TFCP2: variants seen among roughly 807,000 people sequenced by gnomAD.
TFCP2 encodes the protein transcription factor CP2.
Under a neutral mutation model 73.4 loss-of-function variants are expected in TFCP2, and 33 were observed. That is an observed-to-expected ratio of 0.45 (90% CI 0.34 to 0.60). The LOEUF (loss-of-function observed/expected upper bound fraction) is 0.60. Ranked by LOEUF, TFCP2 falls within the 20% of genes least tolerant of loss-of-function variation. The probability of loss-of-function intolerance (pLI) is 0.01; values close to 1 mark genes in which losing one functional copy is unlikely to be tolerated. For missense variants in TFCP2, 352 were observed against 604.0 expected, an observed-to-expected ratio of 0.58 and a Z score of 4.37; for synonymous variants, 193 against 211.6, an observed-to-expected ratio of 0.91 and a Z score of 0.76.
chr12:51,154,432 G>A (rs1261669960), intron 1 of TFCP2, among the ~76,000 whole-genome samples: 7 of 152,180 alleles, frequency 4.6e-5, no homozygotes, highest in Admixed American at 1.3e-4. Flanking sequence ...AGTGGCTCAC[G>A]CCGGTAATCC....
chr12:51,101,877 T>C (rs1244780447), intron 11 of TFCP2, 58 bp downstream of exon 11: 1 of 1,133,272 alleles, frequency 8.8e-7, no homozygotes, highest in Non-Finnish European at 1.3e-6. Flanking sequence ...GAAGAATTCC[T>C]GAATCCAAAT....
At chr12:51,095,871 C>A (rs1018872822) in intron 14 of TFCP2, 118 bp downstream of exon 14, 19 of 493,464 alleles carry the variant, frequency 3.9e-5, no homozygotes, top group East Asian at 7.6e-5. Flanking sequence ...CTAATATTGT[C>A]ACTTTCTTTA....
At chr12:51,168,900 C>T (rs775270797) in intron 1 of TFCP2, among the ~76,000 whole-genome samples, 6 of 151,984 alleles carry the variant, frequency 3.9e-5, no homozygotes, top group Non-Finnish European at 7.4e-5. Flanking sequence ...CTCCCGGGTT[C>T]ATGCAAGTCT....
chr12:51,141,902 T>C (rs1399147888), intron 1 of TFCP2, among the ~76,000 whole-genome samples: 5 of 107,958 alleles, frequency 4.6e-5, no homozygotes, highest in African/African-American at 1.7e-4. Context: ...TGAGACTCTG[T>C]CTCAAAAAAA....
In TFCP2 at chr12:51,097,123, C is replaced by T. The variant is rs145367687; in HGVS notation, c.1420-1083G>A. Among the ~76,000 whole-genome samples the T allele has an allele frequency of 6.6e-5, 10 of 151,996 alleles. 1 individual carries two copies. Among genetic ancestry groups the T allele is most frequent in the Middle Eastern group, 6.3e-3 (2 of 316 alleles). On this transcript the variant is annotated intron_variant, in intron 13 of 14. Coordinates refer to ENST00000257915, the MANE Select transcript of TFCP2 (RefSeq NM_005653.5). ...GATTATAGGCACGTGCCACCACACCCGGCTAATTTTGTATTTTAGTAGAGA... is the reference window on the plus strand; with the variant it reads ...GATTATAGGCACGTGCCACCACACCTGGCTAATTTTGTATTTTAGTAGAGA...
chr12:51,124,685 C>T (rs776139795), intron 1 of TFCP2: 6 of 639,162 alleles, frequency 9.4e-6, no homozygotes, highest in South Asian at 4.3e-5. Context: ...GGCCGTCCCC[C>T]GCGGTGGCCA....
intron 1 of TFCP2, among the ~76,000 whole-genome samples, chr12:51,156,343 A>AG (rs66703823): frequency 0.16 from 24,223 of 149,936 alleles, 2,279 homozygotes; most frequent in South Asian, 0.26. Context: ...AGAGGAAGCA[A>AG]GGGGGGGGGA....
intron 1 of TFCP2, among the ~76,000 whole-genome samples, chr12:51,154,155 C>T (rs201748791): frequency 1.3e-5 from 2 of 152,288 alleles, no homozygotes; most frequent in East Asian, 3.9e-4. Flanking sequence ...CCTATGAACA[C>T]TAAGTACACA....
intron 1 of TFCP2, among the ~76,000 whole-genome samples, chr12:51,132,357 CTTTTTTTTTTTTTTTTTT>C (rs869123355): frequency 2.3e-4 from 14 of 61,792 alleles, no homozygotes; most frequent in East Asian, 6.6e-4. Context: ...AGGGATTAGT[CTTTTTTTTTTTTTTTTTT>C]TTTTTTTTTT....
At chr12:51,157,317 CG>C (rs1384881862) in intron 1 of TFCP2, among the ~76,000 whole-genome samples, 1 of 151,994 alleles carries the variant, frequency 6.6e-6, no homozygotes, top group Non-Finnish European at 1.5e-5. Context: ...ACACTGTGCC[CG>C]GCCCATGATC....
Position 51,098,864 on chromosome 12 carries a change from A to AT in TFCP2, c.1330dup (p.Ile444AsnfsTer29), listed in dbSNP as rs1414251455. The AT allele has an allele frequency of 3.7e-6, 6 of 1,613,960 alleles. No homozygotes were observed. The highest frequency in any genetic ancestry group is 1.1e-5 in the South Asian group (1 of 91,084). The stretch of plus-strand genomic sequence containing the variant: ...AGGGGAAATGCTGAAAAGCTGAGCA[A>AT]TTTTTTCTGTCAATTCAACAGCTGT... On this transcript the variant is annotated frameshift_variant, in exon 13 of 15. Transcript: ENST00000257915. LOFTEE classifies it high-confidence loss of function.
intron 1 of TFCP2, among the ~76,000 whole-genome samples, chr12:51,135,113 G>A (rs199772285): frequency 8.3e-5 from 12 of 144,650 alleles, no homozygotes; most frequent in Non-Finnish European, 9.1e-5. Flanking sequence ...GTCTCAAAAA[G>A]AAAAAAAAAA....
At chr12:51,123,417 C>A (rs1432058101) in intron 1 of TFCP2, among the ~76,000 whole-genome samples, 1 of 152,132 alleles carries the variant, frequency 6.6e-6, no homozygotes, top group Non-Finnish European at 1.5e-5. Flanking sequence ...AAAACAAAAA[C>A]AAGTGCATCC....
At chr12:51,127,889 A>G (rs1940847639) in intron 1 of TFCP2, among the ~76,000 whole-genome samples, 1 of 151,146 alleles carries the variant, frequency 6.6e-6, no homozygotes, top group African/African-American at 2.4e-5. Flanking sequence ...CAAATATCAC[A>G]TTAGCTTTGT....
chr12:51,160,205 C>T (rs986142297), intron 1 of TFCP2, among the ~76,000 whole-genome samples: 1 of 146,126 alleles, frequency 6.8e-6, no homozygotes, highest in Non-Finnish European at 1.5e-5. Context: ...GCACAATTTA[C>T]GCTCACTGCA....
At chr12:51,108,265 G>T (rs1940304800) in intron 6 of TFCP2, among the ~76,000 whole-genome samples, 1 of 150,866 alleles carries the variant, frequency 6.6e-6, no homozygotes, top group Non-Finnish European at 1.5e-5. Context: ...CAGCCTGGGT[G>T]ACAGAGTGAA....
chr12:51,120,653 G>A (rs1940643928), intron 1 of TFCP2, among the ~76,000 whole-genome samples: 1 of 152,164 alleles, frequency 6.6e-6, no homozygotes, highest in Non-Finnish European at 1.5e-5. Context: ...AGAGGGCTAG[G>A]TGTGGTGGCT....
intron 1 of TFCP2, among the ~76,000 whole-genome samples, chr12:51,132,382 T>C (rs1447828934): frequency 7.7e-6 from 1 of 129,938 alleles, no homozygotes; most frequent in Admixed American, 7.8e-5. Flanking sequence ...TTTTTTTTTT[T>C]TTTTTAGACA....
At position 51,164,770 on chromosome 12, in the gene TFCP2, T is replaced by G. The variant is rs560737059; in HGVS notation, c.122+7531A>C. ...ACTGTGAATGACTAAACCAGCATATTAGATAATTTAGATAAAAGAGACAAA... is the reference window on the plus strand; with the variant it reads ...ACTGTGAATGACTAAACCAGCATATGAGATAATTTAGATAAAAGAGACAAA... On this transcript the variant is annotated intron_variant, in intron 1 of 14. Coordinates refer to ENST00000257915, the MANE Select transcript of TFCP2 (RefSeq NM_005653.5). 2.0e-5 allele frequency among the ~76,000 whole-genome samples: 3 copies of G among 152,038 alleles called. No individual in the cohort carries two copies. In the East Asian group the frequency reaches 5.8e-4, roughly 29 times the overall value.
Sources: gnomAD v4.1 joint callset for allele counts (sites outside exome capture counted in the v4.1 genomes callset) on GRCh38, gnomAD v4.1.1 for gene constraint, MANE v1.5 for transcripts, NCBI Gene and HGNC (gene_info 2026-07-23, HGNC 2026-07-21) for gene names.